EPB41L5: variants seen among roughly 807,000 people sequenced by gnomAD.
The protein encoded by EPB41L5 is erythrocyte membrane protein band 4.1 like 5, also known as band 4.1-like protein 5.
A neutral mutation model predicts 106.6 loss-of-function variants in EPB41L5; 55 were observed. That is an observed-to-expected ratio of 0.52 (90% CI 0.42 to 0.65). The LOEUF is 0.65. Ranked by LOEUF, EPB41L5 falls within the 30% of genes least tolerant of loss-of-function variation. The pLI is 0.00. For synonymous variants in EPB41L5, 297 were observed against 306.7 expected, an observed-to-expected ratio of 0.97 and a Z score of 0.33; for missense variants, 871 against 882.1, an observed-to-expected ratio of 0.99 and a Z score of 0.16.
chr2:120,062,055 A>C (rs1026815426), intron 3 of EPB41L5, among the ~76,000 whole-genome samples: 2 of 152,202 alleles, frequency 1.3e-5, no homozygotes, highest in African/African-American at 2.4e-5. Context: ...AGAGAAGAAG[A>C]TGACAAGGAT....
chr2:120,048,641 C>G (rs955048907), intron 3 of EPB41L5, among the ~76,000 whole-genome samples: 2 of 151,316 alleles, frequency 1.3e-5, no homozygotes, highest in East Asian at 3.9e-4. Flanking sequence ...TTTTTTGTGT[C>G]TTTATCTCCT....
At chr2:120,039,070 G>A (rs1679225264) in intron 2 of EPB41L5, among the ~76,000 whole-genome samples, 1 of 152,184 alleles carries the variant, frequency 6.6e-6, no homozygotes, top group African/African-American at 2.4e-5. Flanking sequence ...CCAGAAACAA[G>A]AGGACAAATA....
intron 10 of EPB41L5, among the ~76,000 whole-genome samples, chr2:120,084,789 C>T (rs1043893842): frequency 2.0e-5 from 3 of 152,194 alleles, no homozygotes; most frequent in African/African-American, 7.2e-5. Context: ...GGTCTCTTTA[C>T]GTAGTCCCAT....
At chr2:120,174,231 A>G (rs1687831172) in intron 24 of EPB41L5, among the ~76,000 whole-genome samples, 1 of 152,192 alleles carries the variant, frequency 6.6e-6, no homozygotes, top group African/African-American at 2.4e-5. Flanking sequence ...TGAGGAGGGC[A>G]GATGGCTTGA....
intron 3 of EPB41L5, among the ~76,000 whole-genome samples, chr2:120,051,840 T>A (rs1680310419): frequency 6.6e-6 from 1 of 152,134 alleles, no homozygotes; most frequent in Admixed American, 6.6e-5. Flanking sequence ...TTTTGTTTTT[T>A]TTTTGAGACA....
chr2:120,019,389 C>T, intron 2 of EPB41L5, 125 bp downstream of exon 2: 3 of 778,778 alleles, frequency 3.9e-6, no homozygotes, highest in African/African-American at 4.1e-5. Context: ...TAGTATAGAT[C>T]AGGCACTGTA....
intron 17 of EPB41L5, among the ~76,000 whole-genome samples, chr2:120,129,924 T>C (rs1356554369): frequency 6.6e-6 from 1 of 152,150 alleles, no homozygotes; most frequent in Admixed American, 6.5e-5. Context: ...GGCAGGCGGA[T>C]CACCTGAGGT....
intron 24 of EPB41L5, among the ~76,000 whole-genome samples, chr2:120,172,872 C>T (rs892632586): frequency 6.6e-6 from 1 of 152,154 alleles, no homozygotes; most frequent in Admixed American, 6.5e-5. Flanking sequence ...GCTCCCCACC[C>T]TCCAGTTTTT....
At chr2:120,160,578 C>G in intron 20 of EPB41L5, 1 of 252,774 alleles carries the variant, frequency 4.0e-6, no homozygotes, top group East Asian at 8.6e-5. Flanking sequence ...AACCTCCATA[C>G]TGTTCTTTAA....
chr2:120,042,567 C>G (rs1679467707), intron 3 of EPB41L5, among the ~76,000 whole-genome samples: 1 of 151,988 alleles, frequency 6.6e-6, no homozygotes, highest in Non-Finnish European at 1.5e-5. Context: ...AGTGGTACTT[C>G]GACATGCATT....
At chr2:120,032,217 C>T (rs571025901) in intron 2 of EPB41L5, among the ~76,000 whole-genome samples, 53 of 152,138 alleles carry the variant, frequency 3.5e-4, no homozygotes, top group Non-Finnish European at 7.2e-4. Flanking sequence ...TCCGTCTCTA[C>T]TAAAAATAGA....
At chr2:120,055,138 T>C (rs545528046) in intron 3 of EPB41L5, among the ~76,000 whole-genome samples, 8 of 152,196 alleles carry the variant, frequency 5.3e-5, no homozygotes, top group Admixed American at 2.0e-4. Context: ...GCTGGAATTA[T>C]AGGCGTGAGC....
chr2:120,107,654 A>G (rs1306134959), intron 16 of EPB41L5, among the ~76,000 whole-genome samples: 1 of 152,186 alleles, frequency 6.6e-6, no homozygotes. Context: ...TCTAGATACT[A>G]TGAATCGTGG....
rs1686322646 is a variant in EPB41L5, at chr2:120,144,663, A to G, written c.1728+1532A>G. Reference sequence around the variant, plus strand: ...TCAAAAAGATAGAAGAGGAAGGAACACTTCCCAATTCATCTTATGAGACTA... The same window carrying G: ...TCAAAAAGATAGAAGAGGAAGGAACGCTTCCCAATTCATCTTATGAGACTA... On this transcript the variant is annotated intron_variant, in intron 19 of 24. Coordinates refer to ENST00000263713, the MANE Select transcript of EPB41L5 (RefSeq NM_020909.4). Among the ~76,000 whole-genome samples the G allele has an allele frequency of 1.3e-5, 2 of 152,220 alleles. 1 individual carries two copies. Among genetic ancestry groups the G allele is most frequent in the South Asian group, 4.1e-4 (2 of 4,830 alleles).
At position 120,151,607 on chromosome 2, in the gene EPB41L5, GC is replaced by G. The variant is rs1010704201; in HGVS notation, c.1793+5321del. ...TTACAGGCAGGAGCCACTGCGTCTG[GC>G]CCTTTTTTTTTTTTTTTTTTTTTTA... On this transcript the variant is annotated intron_variant, in intron 20 of 24. Coordinates refer to ENST00000263713, the MANE Select transcript of EPB41L5 (RefSeq NM_020909.4). Among the ~76,000 whole-genome samples the G allele has an allele frequency of 4.2e-5, 6 of 143,404 alleles. No homozygotes were observed. In the South Asian group the frequency reaches 8.6e-4, roughly 21 times the overall value. 94.1% of individuals were successfully genotyped at this position (143,404 alleles called of 152,430 possible). A position where few individuals can be genotyped will look rare whatever the true frequency, so the allele number is the denominator to read the frequency against.
intron 19 of EPB41L5, among the ~76,000 whole-genome samples, chr2:120,144,583 T>C (rs1686318492): frequency 6.6e-6 from 1 of 152,210 alleles, no homozygotes; most frequent in African/African-American, 2.4e-5. Context: ...AATACCTTCA[T>C]TGTGAAATCT....
At chr2:120,161,064 A>T in intron 21 of EPB41L5, 90 bp downstream of exon 21, 1 of 884,580 alleles carries the variant, frequency 1.1e-6, no homozygotes, top group Non-Finnish European at 1.9e-6. Context: ...GTGATTACTG[A>T]GTGACACTGG....
chr2:120,179,001 CATTT>C lies in EPB41L5; in HGVS notation c.*4096_*4099del, dbSNP rs1406900281. On this transcript the variant is annotated 3_prime_UTR_variant, in exon 25 of 25. Transcript: ENST00000263713. ...TTATTTTTCTATCAAGTGCACTATT[CATTT>C]AGTGTGTTCCAGTTTTATATGACTT... The C allele has an allele frequency of 2.0e-5, 3 of 152,194 alleles. No homozygotes were observed. Among genetic ancestry groups the C allele is most frequent in the Admixed American group, 1.3e-4 (2 of 15,286 alleles). The allele number at this position is 152,194 out of a possible 1,614,324, so 9.4% of individuals were successfully genotyped here.
At chr2:120,098,290 G>T (rs918131992) in intron 14 of EPB41L5, among the ~76,000 whole-genome samples, 12 of 151,742 alleles carry the variant, frequency 7.9e-5, no homozygotes, top group African/African-American at 2.9e-4. Context: ...GCTCACTGTA[G>T]CCTCAACCTC....
Sources: gnomAD v4.1 joint callset for allele counts (sites outside exome capture counted in the v4.1 genomes callset) on GRCh38, gnomAD v4.1.1 for gene constraint, MANE v1.5 for transcripts, NCBI Gene and HGNC (gene_info 2026-07-23, HGNC 2026-07-21) for gene names.